The following HIVEP3 variants were observed in gnomAD, a reference collection of about 807,000 sequenced individuals.
HIVEP3 encodes transcription factor HIVEP3.
Under a neutral mutation model 152.8 loss-of-function variants are expected in HIVEP3, and 49 were observed. The observed-to-expected ratio is 0.32, with a 90% CI of 0.26 to 0.41. HIVEP3 has a LOEUF of 0.41. Among genes scored for constraint, HIVEP3 ranks in the 10% least tolerant of loss-of-function variants. The probability of loss-of-function intolerance (pLI) is 1.00; values close to 1 mark genes in which losing one functional copy is unlikely to be tolerated. For missense variants in HIVEP3, 2,790 were observed against 3,103.3 expected (o/e 0.90, Z 2.40); for synonymous variants, 1,269 against 1,289.0 (o/e 0.98, Z 0.33).
chr1:41,946,536 T>C (rs889310800), intron 1 of HIVEP3, among the ~76,000 whole-genome samples: 3 of 152,158 alleles, frequency 2.0e-5, no homozygotes, highest in African/African-American at 7.2e-5. Flanking sequence ...AACTTTACTC[T>C]TTTCACATGC....
chr1:41,856,525 A>G (rs527592946), intron 1 of HIVEP3, among the ~76,000 whole-genome samples: 1 of 152,326 alleles, frequency 6.6e-6, no homozygotes, highest in East Asian at 1.9e-4. Flanking sequence ...TGCAGCCAAA[A>G]CACAGGTGCA....
chr1:41,923,642 T>C (rs185381231), upstream of HIVEP3, among the ~76,000 whole-genome samples: 217 of 152,216 alleles, frequency 1.4e-3, 2 homozygotes, highest in Middle Eastern at 3.4e-3. Flanking sequence ...AAAGAGAAGA[T>C]TTTAAACGTT....
intron 1 of HIVEP3, among the ~76,000 whole-genome samples, chr1:41,793,578 A>G (rs530326817): frequency 4.5e-4 from 69 of 152,336 alleles, no homozygotes; most frequent in African/African-American, 1.6e-3. Context: ...CACAAAATAT[A>G]TATTTAATGT....
At chr1:41,908,807 C>G (rs1644753679) in intron 1 of HIVEP3, among the ~76,000 whole-genome samples, 1 of 152,184 alleles carries the variant, frequency 6.6e-6, no homozygotes, top group East Asian at 1.9e-4. Context: ...ATCCCTGAAG[C>G]TAGCTTGAAG....
chr1:41,544,492 T>C (rs2149071754), intron 5 of HIVEP3, among the ~76,000 whole-genome samples: 1 of 151,810 alleles, frequency 6.6e-6, no homozygotes, highest in Non-Finnish European at 1.5e-5. Flanking sequence ...AACTATTCTC[T>C]AGGGCATGGA....
rs535491571 is a variant in HIVEP3 at position 41,510,718 on chromosome 1, C to T, written c.6954G>A (p.Pro2318=). The change falls in exon 9 of 9, where the codon CCG becomes CCA. Residue 2318 remains proline (P), a synonymous_variant. Coordinates refer to ENST00000372583, the MANE Select transcript of HIVEP3 (RefSeq NM_024503.5). ...PCTPPDTLPR[P]PQGRRAAQSW... ...ACTGCGCTGCCCGGCGTCCCTGGGG[C>T]GGCCGGGGCAAGGTGTCGGGTGGGG... The T allele has an allele frequency of 2.1e-5, 32 of 1,533,470 alleles. No homozygotes were observed. The highest frequency in any genetic ancestry group is 1.1e-4 in the African/African-American group (8 of 73,206). The allele number at this position is 1,533,470 out of a possible 1,614,324, so 95.0% of individuals were successfully genotyped here.
At chr1:41,605,289 A>G (rs1644804336) in intron 3 of HIVEP3, among the ~76,000 whole-genome samples, 1 of 151,638 alleles carries the variant, frequency 6.6e-6, no homozygotes, top group East Asian at 1.9e-4. Context: ...ATTTACTCCG[A>G]AGGGGCATGA....
intron 1 of HIVEP3, among the ~76,000 whole-genome samples, chr1:41,989,046 T>C (rs1645341054): frequency 6.6e-6 from 1 of 152,120 alleles, no homozygotes; most frequent in South Asian, 2.1e-4. Context: ...ATAAAAATGG[T>C]GGTCCCTAGA....
At chr1:41,692,485 G>A (rs1479232274) in intron 2 of HIVEP3, among the ~76,000 whole-genome samples, 4 of 152,124 alleles carry the variant, frequency 2.6e-5, no homozygotes, top group African/African-American at 9.7e-5. Flanking sequence ...GTTAAATAAG[G>A]TATCTTAAAA....
intron 2 of HIVEP3, among the ~76,000 whole-genome samples, chr1:41,674,519 C>T (rs1187858744): frequency 6.6e-6 from 1 of 152,206 alleles, no homozygotes; most frequent in Non-Finnish European, 1.5e-5. Flanking sequence ...GGAATGAGGA[C>T]AGAGAAGGTG....
At chr1:41,568,306 TGA>T (rs768374852) in intron 5 of HIVEP3, among the ~76,000 whole-genome samples, 2 of 152,326 alleles carry the variant, frequency 1.3e-5, no homozygotes, top group South Asian at 4.1e-4. Context: ...GAGGGGGCCA[TGA>T]GAGTCTCTGG....
chr1:41,826,408 TTTTG>T (rs922366814), intron 1 of HIVEP3, among the ~76,000 whole-genome samples: 10 of 152,050 alleles, frequency 6.6e-5, no homozygotes, highest in African/African-American at 1.7e-4. Flanking sequence ...GCCCTGGGTG[TTTTG>T]TTTGTTTGTT....
chr1:41,545,054 C>CATCGCTACG (rs1643704568), intron 5 of HIVEP3, among the ~76,000 whole-genome samples: 1 of 122,852 alleles, frequency 8.1e-6, no homozygotes, highest in Non-Finnish European at 1.8e-5. Flanking sequence ...CTACCACCAC[C>CATCGCTACG]ATCACTACCA....
intron 1 of HIVEP3, among the ~76,000 whole-genome samples, chr1:41,939,410 C>T (rs919213459): frequency 6.6e-5 from 10 of 152,278 alleles, no homozygotes; most frequent in African/African-American, 1.9e-4. Context: ...CAGGTGCTGA[C>T]GAGTCTCCGG....
chr1:41,554,553 TGGA>T (rs1316093058), intron 5 of HIVEP3, among the ~76,000 whole-genome samples: 1 of 152,240 alleles, frequency 6.6e-6, no homozygotes, highest in Non-Finnish European at 1.5e-5. Context: ...TGCGATCCTT[TGGA>T]GGAGAAGAGG....
intron 2 of HIVEP3, among the ~76,000 whole-genome samples, chr1:41,693,665 T>C (rs753496933): frequency 6.6e-6 from 1 of 152,218 alleles, no homozygotes; most frequent in South Asian, 2.1e-4. Context: ...TTTTTAATTG[T>C]TTTCCTTCAC....
intron 1 of HIVEP3, among the ~76,000 whole-genome samples, chr1:41,981,570 C>G (rs902976000): frequency 1.1e-4 from 16 of 152,152 alleles, no homozygotes; most frequent in African/African-American, 3.9e-4. Context: ...ACTGGGTAAC[C>G]ACACTGCCTC....
chr1:42,000,651 T>C (rs574946459), intron 1 of HIVEP3, among the ~76,000 whole-genome samples: 1 of 152,216 alleles, frequency 6.6e-6, no homozygotes, highest in African/African-American at 2.4e-5. Flanking sequence ...TGGGAAGCAC[T>C]GCAGATGGAT....
chr1:41,820,589 G>A (rs1010006319), intron 1 of HIVEP3, among the ~76,000 whole-genome samples: 1 of 152,174 alleles, frequency 6.6e-6, no homozygotes, highest in Non-Finnish European at 1.5e-5. Context: ...TTTTGGTAGT[G>A]TATGTCTGAG....
Sources: gnomAD v4.1 joint callset for allele counts (sites outside exome capture counted in the v4.1 genomes callset) on GRCh38, gnomAD v4.1.1 for gene constraint, MANE v1.5 for transcripts, NCBI Gene and HGNC (gene_info 2026-07-23, HGNC 2026-07-21) for gene names.